KLHL42: variants seen among roughly 807,000 people sequenced by gnomAD.
KLHL42 encodes kelch like family member 42.
A neutral mutation model predicts 32.7 loss-of-function variants in KLHL42; 27 were observed. The observed-to-expected ratio is 0.83, with a 90% confidence interval of 0.61 to 1.14. The LOEUF (loss-of-function observed/expected upper bound fraction) is 1.14. Among genes scored for constraint, KLHL42 ranks in the 50% most tolerant of loss-of-function variants. The probability of loss-of-function intolerance (pLI) is 0.00; values close to 1 mark genes in which losing one functional copy is unlikely to be tolerated. For missense variants in KLHL42, 491 were observed against 560.8 expected, an observed-to-expected ratio of 0.88 and a Z score of 1.26; for synonymous variants, 267 against 248.2, an observed-to-expected ratio of 1.08 and a Z score of -0.71.
At chr12:27,783,748 A>AT (rs932877999) in intron 1 of KLHL42, among the ~76,000 whole-genome samples, 57 of 150,640 alleles carry the variant, frequency 3.8e-4, no homozygotes, top group African/African-American at 9.7e-4. Flanking sequence ...CACCCGGCTA[A>AT]TTTTTTTTTG....
chr12:27,783,786 G>T (rs1422440039), intron 1 of KLHL42, among the ~76,000 whole-genome samples: 2 of 151,878 alleles, frequency 1.3e-5, no homozygotes, highest in Non-Finnish European at 2.9e-5. Flanking sequence ...GGGTTTCACT[G>T]TGTTAGACAG....
In KLHL42 at chr12:27,802,181, A is replaced by G. The variant is rs1178251946; in HGVS notation, c.*4015A>G. 6.6e-6 allele frequency: 1 copy of G among 151,774 alleles called. No homozygotes were observed. The highest frequency in any genetic ancestry group is 2.4e-5 in the African/African-American group (1 of 41,282). 9.4% of individuals were successfully genotyped at this position (151,774 alleles called of 1,614,324 possible). ...TGCTTTTCAGTCTTCTCTGTACTTC[A>G]TTTTTGTGAAAAAGTGAAAATCACA... On this transcript the variant is annotated 3_prime_UTR_variant, in exon 3 of 3. Coordinates refer to ENST00000381271, the MANE Select transcript of KLHL42 (RefSeq NM_020782.2).
chr12:27,794,870 C>G (rs950714666), intron 2 of KLHL42, among the ~76,000 whole-genome samples: 12 of 150,450 alleles, frequency 8.0e-5, no homozygotes, highest in African/African-American at 2.9e-4. Flanking sequence ...TCTGGTGACT[C>G]TCCACTGAAG....
chr12:27,793,363 G>A (rs1300635514), intron 2 of KLHL42, among the ~76,000 whole-genome samples: 2 of 151,548 alleles, frequency 1.3e-5, no homozygotes, highest in Admixed American at 6.6e-5. Context: ...AACACAGCAA[G>A]ACCCCTTCTC....
chr12:27,785,693 G>T (rs1205251643), intron 1 of KLHL42, among the ~76,000 whole-genome samples: 1 of 151,790 alleles, frequency 6.6e-6, no homozygotes, highest in Admixed American at 6.6e-5. Context: ...GAAATTCTCT[G>T]TTGTTGTCTC....
Position 27,797,962 on chromosome 12 carries a change from G to A in KLHL42, c.1314G>A (p.Ser438=), listed in dbSNP as rs1405086727. 2 of 780,942 alleles carry A rather than the reference G, an allele frequency of 2.6e-6. No individual in the cohort carries two copies. The highest frequency in any genetic ancestry group is 2.4e-5 in the East Asian group (1 of 41,244). 48.4% of individuals were successfully genotyped at this position (780,942 alleles called of 1,614,324 possible). A position where few individuals can be genotyped will look rare whatever the true frequency, so the allele number is the denominator to read the frequency against. The stretch of plus-strand genomic sequence containing the variant: ...ACCTCAAGGAGAACACGTCCAAATC[G>A]GGTCTTAACTTGACTTGTGCGCTCC... ...WLYLKENTSK[S]GLNLTCALHN... Residue 438 remains serine (S), a synonymous_variant, in exon 3 of 3, where the codon TCG becomes TCA. Transcript: ENST00000381271.
intron 2 of KLHL42, 31 bp from the exon 3 acceptor site, chr12:27,797,669 TGGTGTTAGTGGAGGC>T (rs2062225142): frequency 1.5e-6 from 1 of 671,130 alleles, no homozygotes; most frequent in South Asian, 1.7e-5. Context: ...ACTTGCCTAG[TGGTGTTAGTGGAGGC>T]GGTGTCATCA....
chr12:27,802,570 G>C lies in KLHL42; in HGVS notation c.*4404G>C, dbSNP rs1378469340. 1 of 152,586 alleles carries C rather than the reference G, an allele frequency of 6.6e-6. No individual in the cohort carries two copies. Among genetic ancestry groups the C allele is most frequent in the African/African-American group, 2.4e-5 (1 of 41,438 alleles). The allele number at this position is 152,586 out of a possible 1,614,324, so 9.5% of individuals were successfully genotyped here. A position where few individuals can be genotyped will look rare whatever the true frequency, so the allele number is the denominator to read the frequency against. On this transcript the variant is annotated 3_prime_UTR_variant, in exon 3 of 3. Transcript: ENST00000381271. ...TGACACGTTGCTGACGTCTGTACTT[G>C]ACATAACCATTTTTATTCATACAGG...
chr12:27,794,951 C>T (rs1591816664), intron 2 of KLHL42, among the ~76,000 whole-genome samples: 1 of 151,712 alleles, frequency 6.6e-6, no homozygotes, highest in East Asian at 1.9e-4. Context: ...TTGCTTTGAC[C>T]TTCAACACTG....
intron 2 of KLHL42, among the ~76,000 whole-genome samples, chr12:27,792,336 A>G (rs765089949): frequency 1.2e-4 from 18 of 152,012 alleles, no homozygotes; most frequent in Non-Finnish European, 2.5e-4. Context: ...GGAATTTAGT[A>G]CCAGAGCATC....
chr12:27,796,808 T>A (rs988769881), intron 2 of KLHL42, among the ~76,000 whole-genome samples: 1 of 152,046 alleles, frequency 6.6e-6, no homozygotes, highest in African/African-American at 2.4e-5. Context: ...GCTAATTTTT[T>A]ATTTTTTTTA....
intron 2 of KLHL42, among the ~76,000 whole-genome samples, chr12:27,795,075 G>C (rs899078216): frequency 2.6e-5 from 4 of 152,150 alleles, no homozygotes; most frequent in Non-Finnish European, 5.9e-5. Context: ...GTATATGTGT[G>C]TGTCTTTTCT....
intron 1 of KLHL42, among the ~76,000 whole-genome samples, chr12:27,784,151 T>G (rs538276316): frequency 0.018 from 2,742 of 150,142 alleles, 40 homozygotes; most frequent in African/African-American, 0.044. Flanking sequence ...TTTTTTTTTT[T>G]GGGGACGGAG....
rs1216731478 is a variant in KLHL42 at position 27,802,926 on chromosome 12, CATT to C, written c.*4763_*4765del. 2 of 152,308 alleles carry C rather than the reference CATT, an allele frequency of 1.3e-5. No individual in the cohort carries two copies. The highest frequency in any genetic ancestry group is 3.9e-4 in the East Asian group (2 of 5,194). The allele number at this position is 152,308 out of a possible 1,614,324, so 9.4% of individuals were successfully genotyped here. On this transcript the variant is annotated 3_prime_UTR_variant, in exon 3 of 3. Transcript: ENST00000381271. Reference sequence around the variant, plus strand: ...TTCAAGTCTAGCTTAAAAGTGTAAACATTATGTGATTCATTTGAATACAAGAAT... The same window carrying C: ...TTCAAGTCTAGCTTAAAAGTGTAAACATGTGATTCATTTGAATACAAGAAT...
rs1317586644 is a variant in KLHL42, at chr12:27,780,733, C to T, written c.403C>T (p.Arg135Cys). 2 of 1,613,302 alleles carry T rather than the reference C, an allele frequency of 1.2e-6. No homozygotes were observed. Among genetic ancestry groups the T allele is most frequent in the Admixed American group, 1.7e-5 (1 of 60,028 alleles). Residue 135 changes from arginine to cysteine, a missense_variant, in exon 1 of 3, where the codon CGC becomes TGC. By Grantham distance (180) the Arg-to-Cys change is radical (BLOSUM62 -3). Around this residue, in one of 4 missense-constraint regions of KLHL42, gnomAD observed 248 missense variants for 329.2 expected, o/e 0.75. Transcript: ENST00000381271. The surrounding 1 kb of genome is among the most constrained non-coding windows in gnomAD (Gnocchi z 8.8). ...VRLNNCLEMY[R>C]LAQVYGLPDL... is the part of the protein sequence containing the mutation. ...GCTCAATAACTGCCTGGAGATGTACCGCCTGGCGCAGGTGTACGGGCTGCC... is the reference window on the plus strand; with the variant it reads ...GCTCAATAACTGCCTGGAGATGTACTGCCTGGCGCAGGTGTACGGGCTGCC...
At position 27,781,132 on chromosome 12, in the gene KLHL42, A is replaced by G. The variant is rs375949235; in HGVS notation, c.802A>G (p.Ile268Val). 2 of 1,613,966 alleles carry G rather than the reference A, an allele frequency of 1.2e-6. No homozygotes were observed. The highest frequency in any genetic ancestry group is 1.7e-5 in the Admixed American group (1 of 59,998). Reference sequence around the variant, plus strand: ...CGGGTACAGGATCACTAGCCAGGAGATCTCCGCTGCGCATTCCTACAACCC... The same window carrying G: ...CGGGTACAGGATCACTAGCCAGGAGGTCTCCGCTGCGCATTCCTACAACCC... ...VGGYRITSQEISAAHSYNPST... is the reference protein window; with the variant it reads ...VGGYRITSQEVSAAHSYNPST... Residue 268 changes from isoleucine (I) to valine (V), a missense_variant, in exon 1 of 3, where the codon ATC (isoleucine) becomes GTC (valine). Around this residue, in one of 4 missense-constraint regions of KLHL42, gnomAD observed 248 missense variants for 329.2 expected, o/e 0.75. Transcript: ENST00000381271.
chr12:27,780,271 G>C lies in KLHL42; in HGVS notation c.-60G>C, dbSNP rs2062139332. ...CCGCCCGGAACCGGCGCGCGCGTAG[G>C]GGCTGGGAGGCCGGCGCGCAGATCT... is the stretch of plus-strand genomic sequence containing the variant. On this transcript the variant is annotated 5_prime_UTR_variant, in exon 1 of 3. Transcript: ENST00000381271. This position sits in a 1 kb window ranked among gnomAD's most constrained non-coding sequence, Gnocchi z 8.8. 3 of 1,458,254 alleles carry C rather than the reference G, an allele frequency of 2.1e-6. No homozygotes were observed. The Admixed American group carries it at 7.9e-5, about 38-fold the overall frequency. The allele number at this position is 1,458,254 out of a possible 1,614,324, so 90.3% of individuals were successfully genotyped here. A position where few individuals can be genotyped will look rare whatever the true frequency, so the allele number is the denominator to read the frequency against.
intron 1 of KLHL42, among the ~76,000 whole-genome samples, chr12:27,781,708 C>T (rs1486045965): frequency 1.3e-5 from 2 of 152,128 alleles, no homozygotes; most frequent in Admixed American, 1.3e-4. Flanking sequence ...AATGTATTAA[C>T]GTTTGCAATA....
Position 27,797,821 on chromosome 12 carries a change from G to C in KLHL42, c.1173G>C (p.Glu391Asp), listed in dbSNP as rs1321768138. 1.3e-6 allele frequency: 1 copy of C among 777,736 alleles called. No individual in the cohort carries two copies. Among genetic ancestry groups the C allele is most frequent in the Non-Finnish European group, 2.4e-6 (1 of 415,706 alleles). The allele number at this position is 777,736 out of a possible 1,614,324, so 48.2% of individuals were successfully genotyped here. ...AGCAGCAGATGGTGTCTGTGGAAGAGACCATCTACATCGTGGGGGGGTGTC... is the reference window on the plus strand; with the variant it reads ...AGCAGCAGATGGTGTCTGTGGAAGACACCATCTACATCGTGGGGGGGTGTC... ...IRKQQMVSVE[E>D]TIYIVGGCLH... The change falls in exon 3 of 3, where the codon GAG becomes GAC. Residue 391 changes from glutamate (E) to aspartate (D), a missense_variant. Physicochemically the swap from Glu to Asp is conservative, Grantham distance 45 (BLOSUM62 2). Around this residue, in one of 4 missense-constraint regions of KLHL42, gnomAD observed 152 missense variants for 125.9 expected, o/e 1.21. Transcript: ENST00000381271.
Sources: allele counts gnomAD v4.1 joint callset (sites outside exome capture counted in the v4.1 genomes callset), GRCh38; gene constraint gnomAD v4.1.1; regional missense constraint gnomAD v4.1.1; non-coding constraint Gnocchi (gnomAD v3.1); transcripts MANE v1.5; gene names NCBI Gene and HGNC (gene_info 2026-07-23, HGNC 2026-07-21).